The following MAML2 variants were observed in gnomAD, a reference collection of about 807,000 sequenced individuals.
MAML2 encodes the protein mastermind like transcriptional coactivator 2, also known as mastermind-like protein 2.
In MAML2, 22 loss-of-function variants were observed where a neutral mutation model predicts 96.1. The ratio of observed to expected loss-of-function variants is 0.23; its 90% CI spans 0.16 to 0.33. The LOEUF is 0.33. Ranked by LOEUF, MAML2 falls within the 10% of genes least tolerant of loss-of-function variation. The pLI is 1.00. For synonymous variants in MAML2, 561 were observed against 521.3 expected (o/e 1.08, Z -1.04); for missense variants, 1,367 against 1,392.4 (o/e 0.98, Z 0.29).
intron 1 of MAML2, among the ~76,000 whole-genome samples, chr11:96,182,025 A>T (rs2135911522): frequency 6.6e-6 from 1 of 152,332 alleles, no homozygotes; most frequent in Non-Finnish European, 1.5e-5. Context: ...GAAAAAAGAC[A>T]AACTAATTTT....
At chr11:96,113,750 T>G (rs1283936219) in intron 1 of MAML2, among the ~76,000 whole-genome samples, 1 of 152,076 alleles carries the variant, frequency 6.6e-6, no homozygotes, top group East Asian at 1.9e-4. Context: ...GACTACTCTC[T>G]CCCCCATCTC....
At chr11:96,250,665 A>G (rs564192503) in intron 1 of MAML2, among the ~76,000 whole-genome samples, 23 of 152,348 alleles carry the variant, frequency 1.5e-4, no homozygotes, top group African/African-American at 5.1e-4. Flanking sequence ...GGAAGCTACT[A>G]TCACCTTCTC....
intron 1 of MAML2, among the ~76,000 whole-genome samples, chr11:96,336,339 C>T (rs955122407): frequency 1.3e-5 from 2 of 152,124 alleles, no homozygotes; most frequent in Non-Finnish European, 2.9e-5. Flanking sequence ...TCCTCTCTTC[C>T]TCTGATTTTT....
At chr11:95,984,442 T>A (rs1293287878) in intron 4 of MAML2, among the ~76,000 whole-genome samples, 1 of 152,168 alleles carries the variant, frequency 6.6e-6, no homozygotes, top group Non-Finnish European at 1.5e-5. Flanking sequence ...AAAACATACA[T>A]CCCATTCCTA....
At chr11:96,205,038 T>G (rs1861877372) in intron 1 of MAML2, among the ~76,000 whole-genome samples, 1 of 152,242 alleles carries the variant, frequency 6.6e-6, no homozygotes, top group African/African-American at 2.4e-5. Flanking sequence ...TTCACTTTAC[T>G]TTGTGGTAGC....
intron 2 of MAML2, among the ~76,000 whole-genome samples, chr11:96,066,745 T>C (rs1565204155): frequency 6.6e-6 from 1 of 152,244 alleles, no homozygotes. Flanking sequence ...GCAGCTTTCA[T>C]GGTGCTTAAC....
chr11:96,090,923 T>C (rs1429284155), intron 2 of MAML2, among the ~76,000 whole-genome samples: 2 of 152,244 alleles, frequency 1.3e-5, no homozygotes, highest in African/African-American at 4.8e-5. Flanking sequence ...TGACATATAA[T>C]GTGCTATCTT....
intron 1 of MAML2, among the ~76,000 whole-genome samples, chr11:96,310,957 G>A (rs1863534697): frequency 6.6e-6 from 1 of 152,176 alleles, no homozygotes; most frequent in Non-Finnish European, 1.5e-5. Context: ...CAAGAAATGT[G>A]TTCAATGGCT....
chr11:96,249,280 G>C (rs1490883028), intron 1 of MAML2, among the ~76,000 whole-genome samples: 6 of 151,860 alleles, frequency 4.0e-5, no homozygotes, highest in African/African-American at 1.5e-4. Flanking sequence ...CTAGATATTG[G>C]AGTGTTAGCA....
chr11:96,295,684 AC>A, intron 1 of MAML2, among the ~76,000 whole-genome samples: 1 of 9,666 alleles, frequency 1.0e-4, no homozygotes, highest in Admixed American at 7.8e-4. Flanking sequence ...CTGCTGTAAC[AC>A]ACACACACAC....
intron 1 of MAML2, among the ~76,000 whole-genome samples, chr11:96,262,541 C>G (rs1862765216): frequency 6.6e-6 from 1 of 151,688 alleles, no homozygotes; most frequent in African/African-American, 2.4e-5. Flanking sequence ...AATCTCAGCT[C>G]ACTGCAACCT....
rs1275816782 is a variant in MAML2, at chr11:96,121,999, A to G, written c.514-28482T>C. 3.1e-5 allele frequency among the ~76,000 whole-genome samples: 3 copies of G among 95,580 alleles called. No individual in the cohort carries two copies. In the Admixed American group the frequency reaches 4.5e-4, roughly 14 times the overall value. The allele number at this position is 95,580 out of a possible 152,430, so 62.7% of individuals were successfully genotyped here. A position where few individuals can be genotyped will look rare whatever the true frequency, so the allele number is the denominator to read the frequency against. ...TTTTTTTTTGTATTTTTTAGTAGAGACGGGGTTTCACTGTGTTAGCCAGAA... is the reference window on the plus strand; with the variant it reads ...TTTTTTTTTGTATTTTTTAGTAGAGGCGGGGTTTCACTGTGTTAGCCAGAA... On this transcript the variant is annotated intron_variant, in intron 1 of 4. Transcript: ENST00000524717.
At chr11:96,158,982 T>C (rs1302285312) in intron 1 of MAML2, among the ~76,000 whole-genome samples, 8 of 152,078 alleles carry the variant, frequency 5.3e-5, no homozygotes, top group Non-Finnish European at 1.0e-4. Context: ...TATTAACTAG[T>C]GGGGAAAGGG....
intron 1 of MAML2, among the ~76,000 whole-genome samples, chr11:96,229,414 C>A (rs567012105): frequency 1.3e-5 from 2 of 151,276 alleles, no homozygotes; most frequent in Non-Finnish European, 2.9e-5. Context: ...TCCCCCAAGG[C>A]CTTTCACACC....
rs749087783 is a variant in MAML2 at position 95,979,814 on chromosome 11, T to A, written c.2605A>T (p.Met869Leu). 39 of 1,613,870 alleles carry A rather than the reference T, an allele frequency of 2.4e-5. No homozygotes were observed. The highest frequency in any genetic ancestry group is 9.3e-5 in the African/African-American group (7 of 74,918). ...TGATTACAAGGCAGATTTCCATACATCCCCATATTCTGAACTGCTGTAGAT... is the reference window on the plus strand; with the variant it reads ...TGATTACAAGGCAGATTTCCATACAACCCCATATTCTGAACTGCTGTAGAT... Reference protein sequence around the residue: ...SLSTAVQNMGMYGNLPCNQPN... With the variant: ...SLSTAVQNMGLYGNLPCNQPN... Residue 869 changes from methionine to leucine, a missense_variant, in exon 5 of 5, where the codon ATG (methionine) becomes TTG (leucine). Coordinates refer to ENST00000524717, the MANE Select transcript of MAML2 (RefSeq NM_032427.4).
Position 96,175,999 on chromosome 11 carries a change from AG to A in MAML2, c.514-82483del, listed in dbSNP as rs1403215636. 2.6e-5 allele frequency among the ~76,000 whole-genome samples: 4 copies of A among 152,222 alleles called. No individual in the cohort carries two copies. The East Asian group carries it at 7.7e-4, about 29-fold the overall frequency. On this transcript the variant is annotated intron_variant, in intron 1 of 4. Transcript: ENST00000524717. ...GGAGAATAGGAGCATAGGGAAAAAA[AG>A]ACTCCTCAATGTGTATAGTGCTTTA...
At chr11:96,002,747 G>T (rs1329191421) in intron 2 of MAML2, among the ~76,000 whole-genome samples, 1 of 145,862 alleles carries the variant, frequency 6.9e-6, no homozygotes, top group Non-Finnish European at 1.5e-5. Context: ...AGATGATCGG[G>T]ATGATGAGGA....
intron 1 of MAML2, among the ~76,000 whole-genome samples, chr11:96,281,751 TC>T (rs1863070275): frequency 6.6e-6 from 1 of 151,924 alleles, no homozygotes; most frequent in South Asian, 2.1e-4. Context: ...GCACCTGTAA[TC>T]CCAGCTACTC....
chr11:96,299,080 T>A (rs866446511), intron 1 of MAML2, among the ~76,000 whole-genome samples: 37 of 135,442 alleles, frequency 2.7e-4, no homozygotes, highest in Non-Finnish European at 4.2e-4. Context: ...TATATATATA[T>A]AAAATTTCAC....
Sources: allele counts gnomAD v4.1 joint callset (sites outside exome capture counted in the v4.1 genomes callset), GRCh38; gene constraint gnomAD v4.1.1; transcripts MANE v1.5; gene names NCBI Gene and HGNC (gene_info 2026-07-23, HGNC 2026-07-21).